MOB2: variants seen among roughly 807,000 people sequenced by gnomAD.
MOB2 encodes MOB kinase activator 2, also known as MOB2 Mps One Binder homolog.
MOB2 carries 14 observed loss-of-function variants against 27.4 expected under a neutral mutation model. The ratio of observed to expected loss-of-function variants is 0.51; its 90% CI spans 0.34 to 0.80. The LOEUF (loss-of-function observed/expected upper bound fraction) is 0.80. Among genes scored for constraint, MOB2 ranks in the 30% least tolerant of loss-of-function variants. The pLI, the probability that MOB2 is intolerant of heterozygous loss-of-function variation, is 0.01. For synonymous variants in MOB2, 167 were observed against 151.8 expected (o/e 1.10, Z -0.74); for missense variants, 304 against 354.6 (o/e 0.86, Z 1.15).
Position 1,469,733 on chromosome 11 carries a change from G to GTTCC in MOB2, c.*438_*439insGGAA, listed in dbSNP as rs1451275549. ...CGAGGCCGGGAGAGGAGGGGTGAGA[G>GTTCC]GGAAGGAGGGTCTCTGTGAAAGCAA... On this transcript the variant is annotated 3_prime_UTR_variant, in exon 5 of 5. Coordinates refer to ENST00000329957, the MANE Select transcript of MOB2 (RefSeq NM_001172223.3). 2.2e-6 allele frequency: 1 copy of GTTCC among 463,714 alleles called. No homozygotes were observed. The highest frequency in any genetic ancestry group is 4.3e-6 in the Non-Finnish European group (1 of 232,192). The allele number at this position is 463,714 out of a possible 1,614,324, so 28.7% of individuals were successfully genotyped here.
Position 1,470,085 on chromosome 11 carries a change from C to G in MOB2, c.*87G>C, listed in dbSNP as rs761953165. On this transcript the variant is annotated 3_prime_UTR_variant, in exon 5 of 5. Coordinates refer to ENST00000329957, the MANE Select transcript of MOB2 (RefSeq NM_001172223.3). Reference sequence around the variant, plus strand: ...CTCTCAGACCTCACCACACGCGTGCCCAGCACATGTGTGCACACGCAGATG... The same window carrying G: ...CTCTCAGACCTCACCACACGCGTGCGCAGCACATGTGTGCACACGCAGATG... 3 of 1,544,316 alleles carry G rather than the reference C, an allele frequency of 1.9e-6. No individual in the cohort carries two copies. The highest frequency in any genetic ancestry group is 8.7e-7 in the Non-Finnish European group (1 of 1,146,914).
At chr11:1,477,432 C>T (rs974609329) in intron 3 of MOB2, among the ~76,000 whole-genome samples, 2 of 152,206 alleles carry the variant, frequency 1.3e-5, no homozygotes, top group Non-Finnish European at 2.9e-5. Context: ...AGTGGTGTGA[C>T]ACACAGGGTG....
At chr11:1,476,960 T>C (rs1847858790) in intron 3 of MOB2, among the ~76,000 whole-genome samples, 1 of 152,204 alleles carries the variant, frequency 6.6e-6, no homozygotes, top group South Asian at 2.1e-4. Context: ...TGGTTTTGAT[T>C]TTTTAAAATT....
At position 1,469,809 on chromosome 11, in the gene MOB2, C is replaced by A. The variant is rs1265620374; in HGVS notation, c.*363G>T. On this transcript the variant is annotated 3_prime_UTR_variant, in exon 5 of 5. Coordinates refer to ENST00000329957, the MANE Select transcript of MOB2 (RefSeq NM_001172223.3). Reference sequence around the variant, plus strand: ...ACCCAGGTCTGCAAATCACACCCTCCCCCCACGAGTTCCTCCTTTGAGGCC... The same window carrying A: ...ACCCAGGTCTGCAAATCACACCCTCACCCCACGAGTTCCTCCTTTGAGGCC... 1.9e-6 allele frequency: 1 copy of A among 523,380 alleles called. No homozygotes were observed. The highest frequency in any genetic ancestry group is 1.5e-5 in the South Asian group (1 of 65,176). The allele number at this position is 523,380 out of a possible 1,614,324, so 32.4% of individuals were successfully genotyped here. A position where few individuals can be genotyped will look rare whatever the true frequency, so the allele number is the denominator to read the frequency against.
At chr11:1,479,341 A>T (rs1411179620) in intron 3 of MOB2, among the ~76,000 whole-genome samples, 4 of 152,180 alleles carry the variant, frequency 2.6e-5, no homozygotes, top group African/African-American at 9.6e-5. Context: ...CATGGAGGCC[A>T]CCGCCGTCTC....
At chr11:1,481,923 G>C (rs1387753602) in intron 1 of MOB2, among the ~76,000 whole-genome samples, 1 of 152,168 alleles carries the variant, frequency 6.6e-6, no homozygotes, top group Admixed American at 6.5e-5. Context: ...GGACAGACAG[G>C]GTGAGCTTCC....
At chr11:1,477,296 C>G (rs184884432) in intron 3 of MOB2, among the ~76,000 whole-genome samples, 5 of 152,322 alleles carry the variant, frequency 3.3e-5, no homozygotes, top group Non-Finnish European at 7.3e-5. Context: ...CCTTCTTATT[C>G]CTGGTCACTT....
At chr11:1,471,216 G>C in intron 4 of MOB2, 79 bp downstream of exon 4, 1 of 1,516,968 alleles carries the variant, frequency 6.6e-7, no homozygotes, top group East Asian at 2.4e-5. Flanking sequence ...CGGCACAGGA[G>C]CTTGGTCACT....
intron 4 of MOB2, 49 bp from the exon 5 acceptor site, chr11:1,470,537 C>T (rs753336654): frequency 1.3e-6 from 2 of 1,567,534 alleles, no homozygotes; most frequent in Admixed American, 3.6e-5. Flanking sequence ...TTGGCCCCAA[C>T]AGAGGCCAGG....
rs562517101 is a variant in MOB2, at chr11:1,481,272, C to T, written c.111-387G>A. 8 of 301,910 alleles carry T rather than the reference C, an allele frequency of 2.6e-5. No individual in the cohort carries two copies. The East Asian group carries it at 8.0e-4, about 30-fold the overall frequency. 18.7% of individuals were successfully genotyped at this position (301,910 alleles called of 1,614,324 possible). ...GAAAGGAGAAGCAAACCCTCTCACT[C>T]CTGGCTTCTTTTGAGTTGGCCAGCC... On this transcript the variant is annotated intron_variant, in intron 1 of 4. Coordinates refer to ENST00000329957, the MANE Select transcript of MOB2 (RefSeq NM_001172223.3).
chr11:1,479,306 T>A (rs1273807781), intron 3 of MOB2, among the ~76,000 whole-genome samples: 2 of 152,100 alleles, frequency 1.3e-5, no homozygotes, highest in African/African-American at 4.8e-5. Context: ...CCCTGCCACC[T>A]CAGGACCCAT....
intron 3 of MOB2, among the ~76,000 whole-genome samples, chr11:1,478,457 T>C (rs1213423482): frequency 6.6e-6 from 1 of 152,208 alleles, no homozygotes; most frequent in Non-Finnish European, 1.5e-5. Context: ...TGACCTTTCT[T>C]TTCTCCCAGC....
At chr11:1,473,191 G>C (rs1313180233) in intron 3 of MOB2, 1 of 152,378 alleles carries the variant, frequency 6.6e-6, no homozygotes, top group African/African-American at 2.4e-5. Context: ...AAATGGACAG[G>C]CCATGAGGAC....
Position 1,470,435 on chromosome 11 carries a change from G to A in MOB2, c.544C>T (p.Leu182=), listed in dbSNP as rs1847772645. The A allele has an allele frequency of 6.2e-7, 1 of 1,613,630 alleles. No homozygotes were observed. Among genetic ancestry groups the A allele is most frequent in the African/African-American group, 1.3e-5 (1 of 75,056 alleles). Residue 182 remains leucine (L), a synonymous_variant, in exon 5 of 5, where the codon CTG becomes TTG. Transcript: ENST00000329957. The stretch of plus-strand genomic sequence containing the variant: ...TAGATGTGTGCCAGCACGTGGAACA[G>A]GTGTCTGCAGATCTTCCTCACCAGG... ...ESLVRKICRH[L]FHVLAHIYWA... is the part of the protein sequence containing the mutation.
chr11:1,485,585 G>T (rs555182884), intron 1 of MOB2, among the ~76,000 whole-genome samples: 1 of 152,030 alleles, frequency 6.6e-6, no homozygotes, highest in Non-Finnish European at 1.5e-5. Context: ...CACGGGTGCC[G>T]CAGCCCCCGG....
intron 1 of MOB2, 136 bp downstream of exon 1, chr11:1,486,311 C>G (rs980126127): frequency 2.9e-6 from 2 of 681,334 alleles, no homozygotes; most frequent in African/African-American, 1.8e-5. Flanking sequence ...GCTCGCTGCA[C>G]AGCCGCCGGC....
rs1590760056 is a variant in MOB2, at chr11:1,470,189, G to A, written c.790C>T (p.His264Tyr). The change falls in exon 5 of 5, where the codon CAC becomes TAC. Residue 264 changes from histidine (H) to tyrosine (Y), a missense_variant. His to Tyr is a moderately conservative substitution (Grantham distance 83, BLOSUM62 2). Coordinates refer to ENST00000329957, the MANE Select transcript of MOB2 (RefSeq NM_001172223.3). ...AGSGGPGAQN[H>Y]VKER The stretch of plus-strand genomic sequence containing the variant: ...CGGGGGGCTCATCTCTCCTTCACGT[G>A]GTTCTGTGCTCCCGGGCCCCCGCTG... 6.2e-7 allele frequency: 1 copy of A among 1,606,374 alleles called. No homozygotes were observed. Among genetic ancestry groups the A allele is most frequent in the Non-Finnish European group, 8.5e-7 (1 of 1,176,814 alleles).
At chr11:1,480,076 G>A (rs1049241214) in intron 3 of MOB2, among the ~76,000 whole-genome samples, 5 of 152,204 alleles carry the variant, frequency 3.3e-5, no homozygotes, top group Admixed American at 6.5e-5. Context: ...GAGCTGTCAC[G>A]GGAGCCAGCG....
At chr11:1,484,419 C>T (rs992074976) in intron 1 of MOB2, among the ~76,000 whole-genome samples, 5 of 152,174 alleles carry the variant, frequency 3.3e-5, no homozygotes, top group Non-Finnish European at 7.4e-5. Flanking sequence ...CACCGGGCCC[C>T]TCATGCTCCT....
Sources: allele counts gnomAD v4.1 joint callset (sites outside exome capture counted in the v4.1 genomes callset), GRCh38; gene constraint gnomAD v4.1.1; transcripts MANE v1.5; gene names NCBI Gene and HGNC (gene_info 2026-07-23, HGNC 2026-07-21).